BLNK: variants seen among roughly 807,000 people sequenced by gnomAD.
BLNK encodes the protein B cell linker, also known as B-cell linker protein.
Under a neutral mutation model 73.5 loss-of-function variants are expected in BLNK, and 29 were observed. The observed-to-expected ratio is 0.39, with a 90% CI of 0.29 to 0.54. BLNK has a LOEUF of 0.54. Among genes scored for constraint, BLNK ranks in the 20% least tolerant of loss-of-function variants. BLNK has a pLI of 0.61. For synonymous variants in BLNK, 176 were observed against 200.8 expected, an observed-to-expected ratio of 0.88 and a Z score of 1.04; for missense variants, 460 against 562.8, an observed-to-expected ratio of 0.82 and a Z score of 1.85.
chr10:96,196,426 T>G (rs2083467703), intron 16 of BLNK, among the ~76,000 whole-genome samples: 1 of 152,218 alleles, frequency 6.6e-6, no homozygotes, highest in African/African-American at 2.4e-5. Context: ...TGATTTTTTT[T>G]TCTTGCTCCA....
intron 3 of BLNK, among the ~76,000 whole-genome samples, chr10:96,234,008 G>A (rs1333349233): frequency 1.3e-5 from 2 of 152,202 alleles, no homozygotes; most frequent in Non-Finnish European, 2.9e-5. Context: ...TGTGGTAGGT[G>A]TTATTTTTAT....
intron 3 of BLNK, among the ~76,000 whole-genome samples, chr10:96,232,735 C>G (rs1213974009): frequency 6.6e-6 from 1 of 152,124 alleles, no homozygotes; most frequent in Non-Finnish European, 1.5e-5. Flanking sequence ...CCAAGAAACT[C>G]TAGAAGATTG....
intron 1 of BLNK, among the ~76,000 whole-genome samples, chr10:96,248,661 ACT>A (rs1318771384): frequency 6.6e-6 from 1 of 152,116 alleles, no homozygotes; most frequent in African/African-American, 2.4e-5. Flanking sequence ...ATGTGTAAGA[ACT>A]CTCTAATCTT....
intron 1 of BLNK, among the ~76,000 whole-genome samples, chr10:96,262,693 G>A (rs1843811893): frequency 3.3e-5 from 5 of 152,296 alleles, no homozygotes; most frequent in Admixed American, 2.6e-4. Context: ...GATTGTGGGA[G>A]CATTCTTTGC....
chr10:96,189,729 A>ATCATCATCT lies in BLNK; in HGVS notation c.*2243_*2244insAGATGATGA, dbSNP rs1255587683. 1 of 723,410 alleles carries ATCATCATCT rather than the reference A, an allele frequency of 1.4e-6. No homozygotes were observed. Among genetic ancestry groups the ATCATCATCT allele is most frequent in the Non-Finnish European group, 2.5e-6 (1 of 394,834 alleles). 44.8% of individuals were successfully genotyped at this position (723,410 alleles called of 1,614,324 possible). On this transcript the variant is annotated 3_prime_UTR_variant, in exon 17 of 17. Transcript: ENST00000224337. ...CATCATCATCATCATCATCATCATC[A>ATCATCATCT]TCATCTTCATCAGCAGCAAGTTTTA...
chr10:96,210,585 T>C (rs1455783429), intron 8 of BLNK, among the ~76,000 whole-genome samples: 1 of 152,204 alleles, frequency 6.6e-6, no homozygotes, highest in Admixed American at 6.5e-5. Flanking sequence ...TCCCTTCCTG[T>C]ACCTGAAGAT....
intron 4 of BLNK, among the ~76,000 whole-genome samples, chr10:96,228,576 T>C (rs1842371726): frequency 6.6e-6 from 1 of 152,142 alleles, no homozygotes; most frequent in South Asian, 2.1e-4. Context: ...AAAATCCACA[T>C]TTCATTTAAG....
intron 1 of BLNK, among the ~76,000 whole-genome samples, chr10:96,265,398 C>T (rs1338713026): frequency 6.6e-6 from 1 of 152,158 alleles, no homozygotes; most frequent in Non-Finnish European, 1.5e-5. Flanking sequence ...TTTGCTCAGT[C>T]TACTTGAAGA....
At chr10:96,202,457 A>T (rs1591300888) in intron 13 of BLNK, among the ~76,000 whole-genome samples, 1 of 152,312 alleles carries the variant, frequency 6.6e-6, no homozygotes, top group East Asian at 1.9e-4. Context: ...AAAGCAAGTG[A>T]GAAGTCAAGG....
At chr10:96,257,497 C>G (rs545791141) in intron 1 of BLNK, among the ~76,000 whole-genome samples, 1 of 152,352 alleles carries the variant, frequency 6.6e-6, no homozygotes, top group East Asian at 1.9e-4. Context: ...GAGGACATTA[C>G]TGAGACAAAG....
chr10:96,241,817 AC>A (rs1374997017), intron 3 of BLNK, among the ~76,000 whole-genome samples: 2 of 150,776 alleles, frequency 1.3e-5, no homozygotes, highest in Non-Finnish European at 2.9e-5. Context: ...TGCAGCCTTG[AC>A]CTCAGTGATC....
intron 1 of BLNK, among the ~76,000 whole-genome samples, chr10:96,268,779 T>G (rs1265192690): frequency 6.6e-6 from 1 of 152,162 alleles, no homozygotes; most frequent in African/African-American, 2.4e-5. Context: ...GGGAATATAC[T>G]CCCTGGATCA....
intron 1 of BLNK, among the ~76,000 whole-genome samples, chr10:96,251,286 G>A (rs1789545463): frequency 6.6e-6 from 1 of 152,214 alleles, no homozygotes; most frequent in South Asian, 2.1e-4. Context: ...CCACGCATCT[G>A]GTGATGCACA....
intron 15 of BLNK, among the ~76,000 whole-genome samples, chr10:96,199,767 C>T (rs1169438089): frequency 6.6e-6 from 1 of 152,132 alleles, no homozygotes; most frequent in East Asian, 1.9e-4. Context: ...CGTCTGTAAT[C>T]CCAGCACTTT....
At chr10:96,249,639 C>T (rs972967493) in intron 1 of BLNK, among the ~76,000 whole-genome samples, 1 of 152,144 alleles carries the variant, frequency 6.6e-6, no homozygotes, top group Non-Finnish European at 1.5e-5. Context: ...GGCTGTTAGG[C>T]GCTAGAGTGC....
chr10:96,236,197 T>C (rs1554905075), intron 3 of BLNK, among the ~76,000 whole-genome samples: 1 of 152,112 alleles, frequency 6.6e-6, no homozygotes, highest in African/African-American at 2.4e-5. Context: ...CTGCCTCAGC[T>C]GCAGCCCTGA....
intron 3 of BLNK, among the ~76,000 whole-genome samples, chr10:96,231,852 G>A (rs1005211897): frequency 5.3e-5 from 8 of 152,182 alleles, no homozygotes; most frequent in African/African-American, 1.9e-4. Flanking sequence ...AACCCTACAG[G>A]TTGCCTTCCA....
intron 1 of BLNK, among the ~76,000 whole-genome samples, chr10:96,260,371 C>G (rs894358816): frequency 6.6e-5 from 10 of 152,212 alleles, no homozygotes; most frequent in African/African-American, 2.4e-4. Context: ...AAATGCAAAA[C>G]TGACGTCTCT....
At chr10:96,252,117 T>C (rs1388727167) in intron 1 of BLNK, among the ~76,000 whole-genome samples, 1 of 152,198 alleles carries the variant, frequency 6.6e-6, no homozygotes, top group Admixed American at 6.5e-5. Context: ...AATGGCGTGA[T>C]CTCGGCTCAC....
Sources: gnomAD v4.1 joint callset for allele counts (sites outside exome capture counted in the v4.1 genomes callset) on GRCh38, gnomAD v4.1.1 for gene constraint, MANE v1.5 for transcripts, NCBI Gene and HGNC (gene_info 2026-07-23, HGNC 2026-07-21) for gene names.